The following SGIP1 variants were observed in gnomAD, a reference collection of about 807,000 sequenced individuals.
SGIP1 encodes SH3-containing GRB2-like protein 3-interacting protein 1.
In SGIP1, 38 loss-of-function variants were observed where a neutral mutation model predicts 107.5. The ratio of observed to expected loss-of-function variants is 0.35; its 90% CI spans 0.27 to 0.46. The LOEUF is 0.46. SGIP1 is among the 20% of genes least tolerant of loss of function. SGIP1 has a pLI of 1.00. For missense variants in SGIP1, 929 were observed against 1,019.5 expected, an observed-to-expected ratio of 0.91 and a Z score of 1.21; for synonymous variants, 365 against 366.1, an observed-to-expected ratio of 1.00 and a Z score of 0.03.
chr1:66,639,906 T>C (rs1442099874), intron 5 of SGIP1, 73 bp downstream of exon 5: 14 of 1,281,914 alleles, frequency 1.1e-5, no homozygotes, highest in African/African-American at 5.9e-5. Flanking sequence ...ATTCTTATAA[T>C]AGGACTTAGA....
chr1:66,653,679 C>A (rs2079163127), intron 7 of SGIP1, among the ~76,000 whole-genome samples: 1 of 152,170 alleles, frequency 6.6e-6, no homozygotes, highest in Non-Finnish European at 1.5e-5. Flanking sequence ...AGGCTGTGTA[C>A]TCACAATATT....
chr1:66,705,159 CAA>C (rs1370593904), intron 18 of SGIP1, among the ~76,000 whole-genome samples: 8 of 152,118 alleles, frequency 5.3e-5, no homozygotes, highest in African/African-American at 1.7e-4. Flanking sequence ...TGTCAGCAGA[CAA>C]AAAAATTTCA....
chr1:66,666,791 AG>A (rs965319146), intron 8 of SGIP1: 4 of 152,248 alleles, frequency 2.6e-5, no homozygotes, highest in African/African-American at 9.6e-5. Flanking sequence ...ATTTGTGTAT[AG>A]GAATGCTCAT....
chr1:66,705,498 A>C (rs1277107132), intron 18 of SGIP1, among the ~76,000 whole-genome samples: 1 of 152,202 alleles, frequency 6.6e-6, no homozygotes, highest in Non-Finnish European at 1.5e-5. Context: ...GAGAGGAAGC[A>C]TGAGTTATTT....
At chr1:66,639,154 A>AC (rs2076318850) in intron 4 of SGIP1, among the ~76,000 whole-genome samples, 1 of 152,232 alleles carries the variant, frequency 6.6e-6, no homozygotes, top group African/African-American at 2.4e-5. Flanking sequence ...CACATGGGTG[A>AC]CAAAAATCCA....
At chr1:66,637,455 TTG>T (rs879668501) in intron 4 of SGIP1, among the ~76,000 whole-genome samples, 11,810 of 38,234 alleles carry the variant, frequency 0.31, 619 homozygotes, top group Admixed American at 0.36. Flanking sequence ...GTGTGTGTGT[TTG>T]TGTGTGTGTG....
At chr1:66,670,150 C>A (rs147682698) in intron 9 of SGIP1, among the ~76,000 whole-genome samples, 33 of 152,328 alleles carry the variant, frequency 2.2e-4, no homozygotes, top group South Asian at 2.1e-4. Context: ...CTGTACCCCA[C>A]GATGCAACCA....
intron 19 of SGIP1, among the ~76,000 whole-genome samples, chr1:66,726,182 G>A (rs971575190): frequency 3.3e-5 from 5 of 152,214 alleles, no homozygotes; most frequent in Admixed American, 6.5e-5. Flanking sequence ...GCCTGCATTT[G>A]CAAGCAGGCT....
intron 8 of SGIP1, among the ~76,000 whole-genome samples, chr1:66,664,860 A>G (rs950484462): frequency 9.2e-5 from 14 of 152,226 alleles, no homozygotes; most frequent in African/African-American, 3.4e-4. Flanking sequence ...AAGCTCCTAA[A>G]GAGGCAGAGC....
intron 17 of SGIP1, chr1:66,694,386 G>A: frequency 1.3e-6 from 2 of 1,503,884 alleles, no homozygotes; most frequent in Non-Finnish European, 9.1e-7. Context: ...TTTCATTTGG[G>A]ATTTGTATTT....
intron 7 of SGIP1, among the ~76,000 whole-genome samples, chr1:66,658,717 G>T (rs955483083): frequency 2.6e-5 from 4 of 152,146 alleles, no homozygotes; most frequent in African/African-American, 9.7e-5. Context: ...AATAAAAATT[G>T]CAGAAATGTA....
intron 7 of SGIP1, among the ~76,000 whole-genome samples, chr1:66,658,526 T>C (rs1395678931): frequency 6.6e-6 from 1 of 152,172 alleles, no homozygotes; most frequent in East Asian, 1.9e-4. Context: ...CAATTTATTT[T>C]TTATATTTCA....
At chr1:66,599,328 A>T (rs759879472) in intron 1 of SGIP1, among the ~76,000 whole-genome samples, 7 of 152,194 alleles carry the variant, frequency 4.6e-5, no homozygotes, top group Non-Finnish European at 1.0e-4. Flanking sequence ...TAAGATAGGT[A>T]TAATCAGCCT....
intron 10 of SGIP1, 87 bp from the exon 11 acceptor site, chr1:66,671,857 T>G: frequency 7.7e-7 from 1 of 1,290,674 alleles, no homozygotes; most frequent in Non-Finnish European, 1.1e-6. Flanking sequence ...GGGACTTAAA[T>G]CTCTAAGTGT....
chr1:66,628,622 G>A (rs1160687176), intron 2 of SGIP1: 1 of 154,510 alleles, frequency 6.5e-6, no homozygotes, highest in Non-Finnish European at 1.5e-5. Context: ...TCTGGCATGT[G>A]AGGAAAGTTG....
intron 7 of SGIP1, among the ~76,000 whole-genome samples, chr1:66,650,679 G>A (rs1485287093): frequency 6.6e-6 from 1 of 152,142 alleles, no homozygotes; most frequent in East Asian, 1.9e-4. Context: ...ACCATGTGCT[G>A]TGCTCAGCAG....
intron 21 of SGIP1, among the ~76,000 whole-genome samples, chr1:66,735,461 T>G (rs2094192018): frequency 6.6e-6 from 1 of 151,630 alleles, no homozygotes; most frequent in Non-Finnish European, 1.5e-5. Flanking sequence ...ATGATCCCCG[T>G]TCCTTGGCCT....
chr1:66,552,728 A>G (rs1356049388), intron 1 of SGIP1, among the ~76,000 whole-genome samples: 1 of 152,172 alleles, frequency 6.6e-6, no homozygotes, highest in Non-Finnish European at 1.5e-5. Context: ...GTTAACATAT[A>G]TAAAGTACAT....
At chr1:66,565,379 G>A (rs1482381932) in intron 1 of SGIP1, among the ~76,000 whole-genome samples, 1 of 151,896 alleles carries the variant, frequency 6.6e-6, no homozygotes, top group Non-Finnish European at 1.5e-5. Flanking sequence ...CTCTTGGGAT[G>A]TCTTTACAAA....
Sources: gnomAD v4.1 joint callset for allele counts (sites outside exome capture counted in the v4.1 genomes callset) on GRCh38, gnomAD v4.1.1 for gene constraint, MANE v1.5 for transcripts, NCBI Gene and HGNC (gene_info 2026-07-23, HGNC 2026-07-21) for gene names.